The following B3GAT2 variants were observed in gnomAD, a reference collection of about 807,000 sequenced individuals.
The protein encoded by B3GAT2 is beta-1,3-glucuronyltransferase 2.
B3GAT2 carries 26 observed loss-of-function variants against 27.8 expected under a neutral mutation model. The ratio of observed to expected loss-of-function variants is 0.93; its 90% CI spans 0.68 to 1.30. The LOEUF is 1.30. Ranked by LOEUF, B3GAT2 falls within the 50% of genes most tolerant of loss-of-function variation. The probability of loss-of-function intolerance (pLI) is 0.00; values close to 1 mark genes in which losing one functional copy is unlikely to be tolerated. For missense variants in B3GAT2, 458 were observed against 459.0 expected (o/e 1.00, Z 0.02); for synonymous variants, 218 against 195.1 (o/e 1.12, Z -0.98).
In B3GAT2 at chr6:70,860,429, C is replaced by CTT. The variant is rs1233884171; in HGVS notation, c.*1232_*1233dup. ...GTTTATTCATATGCATATTTTTTTT[C>CTT]TTTTTACCCATTTGTTCATATTAAG... On this transcript the variant is annotated 3_prime_UTR_variant, in exon 4 of 4. Transcript: ENST00000230053. The CTT allele has an allele frequency of 7.0e-7, 1 of 1,429,194 alleles. No homozygotes were observed. The highest frequency in any genetic ancestry group is 1.5e-5 in the African/African-American group (1 of 68,746). 88.5% of individuals were successfully genotyped at this position (1,429,194 alleles called of 1,614,324 possible).
intron 1 of B3GAT2, among the ~76,000 whole-genome samples, chr6:70,933,709 G>A (rs1282058751): frequency 1.3e-5 from 2 of 152,140 alleles, no homozygotes; most frequent in Admixed American, 1.3e-4. Context: ...ACGTAAATCT[G>A]CATTCCCATC....
At chr6:70,905,789 A>G (rs1252220748) in intron 1 of B3GAT2, among the ~76,000 whole-genome samples, 1 of 152,190 alleles carries the variant, frequency 6.6e-6, no homozygotes, top group Non-Finnish European at 1.5e-5. Flanking sequence ...GAGCTACTCT[A>G]CATCTCAAAA....
intron 1 of B3GAT2, among the ~76,000 whole-genome samples, chr6:70,925,043 C>T (rs1420494387): frequency 1.3e-5 from 2 of 152,244 alleles, no homozygotes; most frequent in Non-Finnish European, 2.9e-5. Flanking sequence ...CTGCGGCCTT[C>T]GCCCAGAAGT....
intron 1 of B3GAT2, among the ~76,000 whole-genome samples, chr6:70,945,256 C>T (rs1765460997): frequency 6.6e-6 from 1 of 152,174 alleles, no homozygotes. Context: ...AAGAAGGCTT[C>T]AGACGTTCAA....
At chr6:70,916,888 G>A (rs1375011976) in intron 1 of B3GAT2, among the ~76,000 whole-genome samples, 3 of 152,080 alleles carry the variant, frequency 2.0e-5, no homozygotes, top group Admixed American at 6.5e-5. Flanking sequence ...GTGAGGCTTT[G>A]TTATCAGGAT....
chr6:70,860,150 A>T lies in B3GAT2; in HGVS notation c.*1513T>A. ...CAACTGTGTGGCTAAAGAAACAAGA[A>T]TTAAAAGTGAAGTAAGCCTCTTGAA... is the stretch of plus-strand genomic sequence containing the variant. On this transcript the variant is annotated 3_prime_UTR_variant, in exon 4 of 4. Transcript: ENST00000230053. 6.5e-7 allele frequency: 1 copy of T among 1,527,558 alleles called. No individual in the cohort carries two copies. Among genetic ancestry groups the T allele is most frequent in the Non-Finnish European group, 8.8e-7 (1 of 1,138,384 alleles). The allele number at this position is 1,527,558 out of a possible 1,614,324, so 94.6% of individuals were successfully genotyped here.
Position 70,860,556 on chromosome 6 carries a change from C to T in B3GAT2, c.*1107G>A, listed in dbSNP as rs1771674227. 4.2e-6 allele frequency: 2 copies of T among 473,626 alleles called. No individual in the cohort carries two copies. Among genetic ancestry groups the T allele is most frequent in the South Asian group, 6.2e-5 (1 of 16,098 alleles). 29.3% of individuals were successfully genotyped at this position (473,626 alleles called of 1,614,324 possible). On this transcript the variant is annotated 3_prime_UTR_variant, in exon 4 of 4. Transcript: ENST00000230053. The stretch of plus-strand genomic sequence containing the variant: ...GTCAAGGGCAGCTTTGCTCATATTT[C>T]CCATGATTTCATGTACTGCATTATT...
intron 1 of B3GAT2, among the ~76,000 whole-genome samples, chr6:70,935,559 A>G (rs1453648250): frequency 6.6e-6 from 1 of 152,180 alleles, no homozygotes; most frequent in Non-Finnish European, 1.5e-5. Flanking sequence ...AACAATATTT[A>G]TAGATCTACT....
intron 2 of B3GAT2, among the ~76,000 whole-genome samples, chr6:70,881,422 A>G (rs1772097373): frequency 6.6e-6 from 1 of 152,136 alleles, no homozygotes; most frequent in African/African-American, 2.4e-5. Flanking sequence ...TCATATTTGC[A>G]AACAGAAGTC....
At chr6:70,881,309 A>C (rs1253459685) in intron 2 of B3GAT2, among the ~76,000 whole-genome samples, 1 of 152,158 alleles carries the variant, frequency 6.6e-6, no homozygotes, top group Non-Finnish European at 1.5e-5. Context: ...ACATCTTTTA[A>C]AATCTGAGAA....
rs930906339 is a variant in B3GAT2 at position 70,860,856 on chromosome 6, T to C, written c.*807A>G. ...CACTGTGCTGTTGTTATGATGTGCT[T>C]AACAGGGAACGTGATTAGTGAAAGG... is the stretch of plus-strand genomic sequence containing the variant. On this transcript the variant is annotated 3_prime_UTR_variant, in exon 4 of 4. Coordinates refer to ENST00000230053, the MANE Select transcript of B3GAT2 (RefSeq NM_080742.3). 2 of 394,814 alleles carry C rather than the reference T, an allele frequency of 5.1e-6. No homozygotes were observed. The highest frequency in any genetic ancestry group is 4.1e-5 in the African/African-American group (2 of 48,546). 24.5% of individuals were successfully genotyped at this position (394,814 alleles called of 1,614,324 possible).
At chr6:70,898,827 G>A (rs1772438061) in intron 1 of B3GAT2, among the ~76,000 whole-genome samples, 1 of 152,096 alleles carries the variant, frequency 6.6e-6, no homozygotes, top group Non-Finnish European at 1.5e-5. Flanking sequence ...GGTGTGGTTG[G>A]TGGTGTGTGC....
chr6:70,956,091 C>T lies in B3GAT2; in HGVS notation c.339G>A (p.Trp113Ter). ...NTFRQVAQLH[W>*]ILVEDAAARS... ...GCGCCGCCGCGTCCTCCACCAGGAT[C>T]CAGTGCAGCTGCGCCACCTGGCGGA... is the stretch of plus-strand genomic sequence containing the variant. The change falls in exon 1 of 4, where the codon TGG becomes TGA. Residue 113 changes from tryptophan to a stop codon, truncating the protein, a stop_gained. Transcript: ENST00000230053. LOFTEE classifies it high-confidence loss of function. The T allele has an allele frequency of 1.9e-6, 3 of 1,599,012 alleles. No individual in the cohort carries two copies. Among genetic ancestry groups the T allele is most frequent in the Non-Finnish European group, 2.6e-6 (3 of 1,174,922 alleles).
intron 1 of B3GAT2, among the ~76,000 whole-genome samples, chr6:70,920,091 T>C (rs60015877): frequency 0.23 from 35,317 of 151,404 alleles, 4,341 homozygotes; most frequent in Non-Finnish European, 0.28. Flanking sequence ...TTGTTTACGC[T>C]GTGAGCATAG....
chr6:70,947,103 G>C (rs1228268632), intron 1 of B3GAT2, among the ~76,000 whole-genome samples: 1 of 151,804 alleles, frequency 6.6e-6, no homozygotes, highest in East Asian at 1.9e-4. Flanking sequence ...GAAATTTATA[G>C]CACTAAATGC....
chr6:70,866,666 C>G (rs1190487948), intron 2 of B3GAT2, among the ~76,000 whole-genome samples: 1 of 152,110 alleles, frequency 6.6e-6, no homozygotes, highest in African/African-American at 2.4e-5. Flanking sequence ...AAGACCAACA[C>G]ACACACACCG....
At position 70,899,473 on chromosome 6, in the gene B3GAT2, G is replaced by C. The variant is rs143329660; in HGVS notation, c.592-5201C>G. On this transcript the variant is annotated intron_variant, in intron 1 of 3. Coordinates refer to ENST00000230053, the MANE Select transcript of B3GAT2 (RefSeq NM_080742.3). ...CATTTGTTCATGCTTTATTTTTCTAGAGGCTGGGTGTTAAAGGTGAGGCAA... is the reference window on the plus strand; with the variant it reads ...CATTTGTTCATGCTTTATTTTTCTACAGGCTGGGTGTTAAAGGTGAGGCAA... Among the ~76,000 whole-genome samples, 1,028 of 152,318 alleles carry C rather than the reference G, an allele frequency of 6.7e-3. 5 individuals carry two copies. Among genetic ancestry groups the C allele is most frequent in the Middle Eastern group, 0.02 (6 of 294 alleles).
At chr6:70,942,705 G>A (rs1415931841) in intron 1 of B3GAT2, among the ~76,000 whole-genome samples, 1 of 152,162 alleles carries the variant, frequency 6.6e-6, no homozygotes, top group African/African-American at 2.4e-5. Flanking sequence ...TAAGCACAGT[G>A]CCTTGTACAC....
intron 1 of B3GAT2, among the ~76,000 whole-genome samples, chr6:70,932,278 T>C (rs1773074078): frequency 6.6e-6 from 1 of 152,192 alleles, no homozygotes; most frequent in Non-Finnish European, 1.5e-5. Context: ...CCATTGTGTC[T>C]AGCAATTTTA....
Sources: gnomAD v4.1 joint callset for allele counts (sites outside exome capture counted in the v4.1 genomes callset) on GRCh38, gnomAD v4.1.1 for gene constraint, MANE v1.5 for transcripts, NCBI Gene and HGNC (gene_info 2026-07-23, HGNC 2026-07-21) for gene names.